TDRD5: variants seen among roughly 807,000 people sequenced by gnomAD.
The protein encoded by TDRD5 is tudor domain containing 5.
TDRD5 carries 41 observed loss-of-function variants against 120.6 expected under a neutral mutation model. The ratio of observed to expected loss-of-function variants is 0.34; its 90% CI spans 0.26 to 0.44. TDRD5 has a LOEUF of 0.44. Ranked by LOEUF, TDRD5 falls within the 20% of genes least tolerant of loss-of-function variation. TDRD5 has a pLI of 1.00. For synonymous variants in TDRD5, 430 were observed against 433.7 expected (o/e 0.99, Z 0.11); for missense variants, 1,006 against 1,221.2 (o/e 0.82, Z 2.63).
At chr1:179,623,397 A>G (rs2101978150) in intron 6 of TDRD5, among the ~76,000 whole-genome samples, 2 of 152,246 alleles carry the variant, frequency 1.3e-5, no homozygotes. Flanking sequence ...TGGGTTTATA[A>G]CATGAAAATG....
chr1:179,665,260 C>G (rs1679504043), intron 16 of TDRD5, among the ~76,000 whole-genome samples: 1 of 152,020 alleles, frequency 6.6e-6, no homozygotes, highest in Admixed American at 6.6e-5. Context: ...TTAATAAAAT[C>G]CAATCGATTT....
chr1:179,667,965 T>C (rs919247522), intron 16 of TDRD5, among the ~76,000 whole-genome samples: 7 of 152,216 alleles, frequency 4.6e-5, no homozygotes, highest in African/African-American at 1.7e-4. Flanking sequence ...TGTACAATTA[T>C]TGTTTCAGTT....
chr1:179,593,872 G>C lies in TDRD5; in HGVS notation c.640+5G>C, dbSNP rs532169796. The C allele has an allele frequency of 1.9e-6, 3 of 1,608,888 alleles. No individual in the cohort carries two copies. The highest frequency in any genetic ancestry group is 1.7e-5 in the Admixed American group (1 of 59,560). ...AGCCGAGAGGATGTCCAGCAGGTACGCATGTGAGCAAATGTTGGAGCAGTC... is the reference window on the plus strand; with the variant it reads ...AGCCGAGAGGATGTCCAGCAGGTACCCATGTGAGCAAATGTTGGAGCAGTC... On this transcript the variant is annotated splice_donor_5th_base_variant and intron_variant, in intron 3 of 17. Transcript: ENST00000444136.
At chr1:179,617,612 T>A (rs1676627679) in intron 4 of TDRD5, among the ~76,000 whole-genome samples, 1 of 152,142 alleles carries the variant, frequency 6.6e-6, no homozygotes, top group African/African-American at 2.4e-5. Flanking sequence ...TCTTTATATC[T>A]TTGTGACTTA....
Position 179,652,117 on chromosome 1 carries a change from G to A in TDRD5, c.2080G>A (p.Gly694Ser), listed in dbSNP as rs767786023. ...AGAGGACATTGTCTTGACAGAACTG[G>A]GTTATCCTTCCCAGCAGCACTATTT... ...GPEDIVLTELGYPSQQHYFNE... is the reference protein window; with the variant it reads ...GPEDIVLTELSYPSQQHYFNE... Residue 694 changes from glycine (G) to serine (S), a missense_variant, in exon 13 of 18, where the codon GGT becomes AGT. Coordinates refer to ENST00000444136, the MANE Select transcript of TDRD5 (RefSeq NM_001199085.3). 2 of 1,613,872 alleles carry A rather than the reference G, an allele frequency of 1.2e-6. No homozygotes were observed. The highest frequency in any genetic ancestry group is 1.7e-6 in the Non-Finnish European group (2 of 1,179,948).
intron 13 of TDRD5, among the ~76,000 whole-genome samples, chr1:179,653,488 C>CATTAATAAAA (rs1678828989): frequency 6.6e-6 from 1 of 152,124 alleles, no homozygotes; most frequent in African/African-American, 2.4e-5. Flanking sequence ...ATTAATGAAG[C>CATTAATAAAA]TTGTATGCCC....
At chr1:179,653,457 A>G (rs1048379616) in intron 13 of TDRD5, among the ~76,000 whole-genome samples, 5 of 152,156 alleles carry the variant, frequency 3.3e-5, no homozygotes, top group African/African-American at 1.2e-4. Context: ...AAAGATTTTT[A>G]GATTTCTAGT....
At chr1:179,623,625 C>CTTTTTTT (rs11428251) in intron 6 of TDRD5, among the ~76,000 whole-genome samples, 61 of 97,806 alleles carry the variant, frequency 6.2e-4, no homozygotes, top group South Asian at 8.6e-4. Flanking sequence ...CCAACTCATT[C>CTTTTTTT]TTTTTTTTTT....
chr1:179,671,447 TAA>T lies in TDRD5; in HGVS notation c.2860+2044_2860+2045del, dbSNP rs934597946. Reference sequence around the variant, plus strand: ...AGGAGAATTCTCATCTTAACAATATTAAGTCTATCCACATACTACATTTTTTG... The same window carrying T: ...AGGAGAATTCTCATCTTAACAATATTGTCTATCCACATACTACATTTTTTG... On this transcript the variant is annotated intron_variant, in intron 17 of 17. Transcript: ENST00000444136. Among the ~76,000 whole-genome samples, 24 of 152,326 alleles carry T rather than the reference TAA, an allele frequency of 1.6e-4. 1 individual carries two copies. The highest frequency in any genetic ancestry group is 5.8e-4 in the African/African-American group (24 of 41,582).
In TDRD5 at chr1:179,634,064, G is replaced by A. The variant is rs974426053; in HGVS notation, c.1127-393G>A. Among the ~76,000 whole-genome samples, 7 of 151,774 alleles carry A rather than the reference G, an allele frequency of 4.6e-5. No homozygotes were observed. The East Asian group carries it at 1.2e-3, about 25-fold the overall frequency. On this transcript the variant is annotated intron_variant, in intron 7 of 17. Transcript: ENST00000444136. ...CGGGTGCCTGTAGTCCCAGCTACTC[G>A]GGAGGCTGAGGCAGGAGAATGGTGT...
At chr1:179,602,884 T>C (rs1031777425) in intron 4 of TDRD5, among the ~76,000 whole-genome samples, 3 of 152,198 alleles carry the variant, frequency 2.0e-5, no homozygotes, top group South Asian at 2.1e-4. Flanking sequence ...CCATATGAAT[T>C]TTAGAATTGT....
intron 9 of TDRD5, among the ~76,000 whole-genome samples, chr1:179,636,856 G>T (rs1305458931): frequency 6.6e-6 from 1 of 152,160 alleles, no homozygotes; most frequent in Non-Finnish European, 1.5e-5. Context: ...TGACAAGCTT[G>T]CTTCATTTTT....
At chr1:179,623,852 A>G (rs188085262) in intron 6 of TDRD5, among the ~76,000 whole-genome samples, 1 of 152,004 alleles carries the variant, frequency 6.6e-6, no homozygotes, top group East Asian at 1.9e-4. Flanking sequence ...TTACCCAGGC[A>G]GGTATTTAAC....
At chr1:179,602,259 A>G (rs1243835800) in intron 4 of TDRD5, among the ~76,000 whole-genome samples, 1 of 152,186 alleles carries the variant, frequency 6.6e-6, no homozygotes, top group African/African-American at 2.4e-5. Context: ...TTGCAGGAGT[A>G]AGGTAGTATC....
chr1:179,634,719 A>T, intron 8 of TDRD5, 90 bp downstream of exon 8: 3 of 1,416,772 alleles, frequency 2.1e-6, no homozygotes, highest in Non-Finnish European at 2.8e-6. Context: ...TTCTTTTTAG[A>T]AAAGTCTTAT....
chr1:179,669,671 A>G (rs1679751743), intron 17 of TDRD5, among the ~76,000 whole-genome samples: 1 of 151,694 alleles, frequency 6.6e-6, no homozygotes, highest in Non-Finnish European at 1.5e-5. Context: ...TCAAGTGTAT[A>G]GTTCTTTGAG....
intron 4 of TDRD5, among the ~76,000 whole-genome samples, chr1:179,609,529 A>G (rs1676171375): frequency 6.6e-6 from 1 of 152,102 alleles, no homozygotes; most frequent in Admixed American, 6.6e-5. Flanking sequence ...CCTATGCCTT[A>G]ATCTTGGACT....
intron 4 of TDRD5, among the ~76,000 whole-genome samples, chr1:179,604,255 G>T (rs964861754): frequency 1.3e-5 from 2 of 151,558 alleles, no homozygotes; most frequent in African/African-American, 4.8e-5. Flanking sequence ...AGGTTATTTG[G>T]ATTTTCTCTC....
rs1679272593 is a variant in TDRD5, at chr1:179,660,824, T to C, written c.2323-1280T>C. On this transcript the variant is annotated intron_variant, in intron 14 of 17. Coordinates refer to ENST00000444136, the MANE Select transcript of TDRD5 (RefSeq NM_001199085.3). ...TGATATTCCAAGTTTCCTTCTGATA[T>C]CTCCTTTCTGTCCAAAGAACTTCCT... Among the ~76,000 whole-genome samples, 3 of 152,324 alleles carry C rather than the reference T, an allele frequency of 2.0e-5. No individual in the cohort carries two copies. The South Asian group carries it at 6.2e-4, about 32-fold the overall frequency.
Sources: allele counts gnomAD v4.1 joint callset (sites outside exome capture counted in the v4.1 genomes callset), GRCh38; gene constraint gnomAD v4.1.1; transcripts MANE v1.5; gene names NCBI Gene and HGNC (gene_info 2026-07-23, HGNC 2026-07-21).